AKAP10: variants seen among roughly 807,000 people sequenced by gnomAD.
AKAP10 encodes the protein A-kinase anchor protein 10, mitochondrial.
Under a neutral mutation model 80.8 loss-of-function variants are expected in AKAP10, and 24 were observed. The ratio of observed to expected loss-of-function variants is 0.30; its 90% CI spans 0.22 to 0.42. The LOEUF is 0.42. Ranked by LOEUF, AKAP10 falls within the 10% of genes least tolerant of loss-of-function variation. The pLI is 1.00. For missense variants in AKAP10, 661 were observed against 794.9 expected, an observed-to-expected ratio of 0.83 and a Z score of 2.03; for synonymous variants, 291 against 277.7, an observed-to-expected ratio of 1.05 and a Z score of -0.48.
intron 1 of AKAP10, among the ~76,000 whole-genome samples, chr17:19,976,763 C>T (rs966671965): frequency 6.6e-5 from 10 of 152,100 alleles, no homozygotes; most frequent in African/African-American, 2.2e-4. Context: ...GGTGATCCAC[C>T]CGCCAAGCCT....
chr17:19,961,850 T>C (rs1243490432), intron 3 of AKAP10, among the ~76,000 whole-genome samples: 1 of 152,192 alleles, frequency 6.6e-6, no homozygotes. Flanking sequence ...GTGTGGTGGT[T>C]CACGTTGGTA....
In AKAP10 at chr17:19,916,159, C is replaced by T. The variant is rs142442867; in HGVS notation, c.1834+3877G>A. On this transcript the variant is annotated intron_variant, in intron 12 of 14. Coordinates refer to ENST00000225737, the MANE Select transcript of AKAP10 (RefSeq NM_007202.4). ...GCTTACGCCCCCGCTGCGCTCAGGT[C>T]TACTCAAAATGCCACCTCCTCAGTG... Among the ~76,000 whole-genome samples the T allele has an allele frequency of 3.7e-3, 565 of 152,352 alleles. 2 individuals are homozygous for T. Among genetic ancestry groups the T allele is most frequent in the Non-Finnish European group, 5.6e-3 (379 of 68,034 alleles).
intron 10 of AKAP10, among the ~76,000 whole-genome samples, chr17:19,930,318 G>A (rs2042918818): frequency 1.3e-5 from 2 of 152,238 alleles, no homozygotes; most frequent in South Asian, 4.1e-4. Context: ...AATAAAACCA[G>A]TTAACTTCTT....
chr17:19,923,376 C>A (rs895492168), intron 11 of AKAP10, among the ~76,000 whole-genome samples: 2 of 152,142 alleles, frequency 1.3e-5, no homozygotes, highest in African/African-American at 4.8e-5. Flanking sequence ...CCGTGCCCGG[C>A]CTTGTCCGTT....
At chr17:19,938,141 G>A (rs1275738268) in intron 8 of AKAP10, among the ~76,000 whole-genome samples, 2 of 151,936 alleles carry the variant, frequency 1.3e-5, no homozygotes, top group Non-Finnish European at 2.9e-5. Flanking sequence ...TGGCCAGGCA[G>A]TTCTCAAACT....
chr17:19,975,789 T>C (rs115941211), intron 1 of AKAP10, among the ~76,000 whole-genome samples: 1 of 152,230 alleles, frequency 6.6e-6, no homozygotes, highest in African/African-American at 2.4e-5. Flanking sequence ...CAAAAGGTAT[T>C]TGTTGAATAG....
chr17:19,962,896 G>T lies in AKAP10; in HGVS notation c.263C>A (p.Thr88Lys). 6.2e-7 allele frequency: 1 copy of T among 1,614,126 alleles called. No homozygotes were observed. Among genetic ancestry groups the T allele is most frequent in the Non-Finnish European group, 8.5e-7 (1 of 1,179,998 alleles). The part of the protein sequence containing the change: ...ANMDSFSSSR[T>K]ATLKKQPSHM... ...GCTTGGCTGCTTCTTAAGTGTGGCT[G>T]TCCTGCTACTTGAAAAGGAGTCCAT... The change falls in exon 3 of 15, where the codon ACA (threonine) becomes AAA (lysine). Residue 88 changes from threonine (T) to lysine (K), a missense_variant. Thr to Lys is a moderately conservative substitution (Grantham distance 78). Coordinates refer to ENST00000225737, the MANE Select transcript of AKAP10 (RefSeq NM_007202.4).
intron 2 of AKAP10, among the ~76,000 whole-genome samples, chr17:19,966,293 C>T (rs964017036): frequency 6.6e-6 from 1 of 151,984 alleles, no homozygotes; most frequent in Non-Finnish European, 1.5e-5. Flanking sequence ...AATTTTTTTT[C>T]AAGTCCGTTC....
At chr17:19,953,246 T>G (rs2043235711) in intron 4 of AKAP10, among the ~76,000 whole-genome samples, 1 of 151,922 alleles carries the variant, frequency 6.6e-6, no homozygotes, top group Non-Finnish European at 1.5e-5. Flanking sequence ...TGTGGGGGTG[T>G]AACTAAAGCA....
intron 1 of AKAP10, among the ~76,000 whole-genome samples, chr17:19,968,729 C>G (rs191461002): frequency 2.2e-4 from 34 of 152,276 alleles, no homozygotes; most frequent in Admixed American, 2.2e-3. Flanking sequence ...GGCTCTACCA[C>G]TTATAAGCCA....
rs1261987040 is a variant in AKAP10, at chr17:19,941,009, G to A, written c.1063C>T (p.His355Tyr). 3 of 1,593,606 alleles carry A rather than the reference G, an allele frequency of 1.9e-6. No homozygotes were observed. Among genetic ancestry groups the A allele is most frequent in the Admixed American group, 3.8e-5 (2 of 53,132 alleles). The change falls in exon 7 of 15, where the codon CAC (histidine) becomes TAC (tyrosine). Residue 355 changes from histidine to tyrosine, a missense_variant and splice_region_variant. Coordinates refer to ENST00000225737, the MANE Select transcript of AKAP10 (RefSeq NM_007202.4). The part of the protein sequence containing the change: ...SIVFSAMEQE[H>Y]FSEFLRSHHF... Reference sequence around the variant, plus strand: ...TGACTTCGCAGAAACTCACTAAAGTGCCTGCACATGGACAAAAGGGAAAAT... The same window carrying A: ...TGACTTCGCAGAAACTCACTAAAGTACCTGCACATGGACAAAAGGGAAAAT...
chr17:19,936,129 T>C (rs535200395), intron 9 of AKAP10, 157 bp downstream of exon 9: 2 of 729,318 alleles, frequency 2.7e-6, no homozygotes, highest in Non-Finnish European at 4.3e-6. Context: ...CACGTGACTG[T>C]ACATACCAGG....
intron 2 of AKAP10, among the ~76,000 whole-genome samples, chr17:19,964,958 C>A (rs2043398791): frequency 6.6e-6 from 1 of 152,218 alleles, no homozygotes; most frequent in African/African-American, 2.4e-5. Context: ...ATCTTACTCA[C>A]ACCCTCCACA....
intron 1 of AKAP10, among the ~76,000 whole-genome samples, chr17:19,968,923 G>GTCA (rs904716566): frequency 2.6e-5 from 4 of 152,190 alleles, no homozygotes; most frequent in African/African-American, 4.8e-5. Flanking sequence ...ATTACCATGT[G>GTCA]TCATCCATAG....
intron 14 of AKAP10, among the ~76,000 whole-genome samples, chr17:19,908,125 A>C (rs2042650791): frequency 1.3e-5 from 2 of 152,024 alleles, no homozygotes; most frequent in African/African-American, 4.8e-5. Flanking sequence ...TCGGCCTCCC[A>C]AAGTGCTGGG....
At chr17:19,924,866 C>A (rs1488713461) in intron 10 of AKAP10, among the ~76,000 whole-genome samples, 1 of 152,072 alleles carries the variant, frequency 6.6e-6, no homozygotes, top group Non-Finnish European at 1.5e-5. Flanking sequence ...CAGGTATGAG[C>A]CACCATGCAG....
intron 12 of AKAP10, among the ~76,000 whole-genome samples, chr17:19,917,821 G>A (rs993066345): frequency 6.6e-6 from 1 of 151,712 alleles, no homozygotes; most frequent in African/African-American, 2.4e-5. Context: ...TACTTGGGAG[G>A]CTGAGGCAGA....
intron 4 of AKAP10, among the ~76,000 whole-genome samples, chr17:19,952,876 C>A (rs2043230843): frequency 6.6e-6 from 1 of 152,052 alleles, no homozygotes; most frequent in Non-Finnish European, 1.5e-5. Context: ...TAACTGCATA[C>A]AAAGTATCAG....
chr17:19,921,171 ATTC>A (rs1394985289), intron 11 of AKAP10, among the ~76,000 whole-genome samples: 2 of 151,688 alleles, frequency 1.3e-5, no homozygotes, highest in East Asian at 3.9e-4. Flanking sequence ...AGTCTGAAGT[ATTC>A]TTTTTTTTTT....
Sources: allele counts gnomAD v4.1 joint callset (sites outside exome capture counted in the v4.1 genomes callset), GRCh38; gene constraint gnomAD v4.1.1; transcripts MANE v1.5; gene names NCBI Gene and HGNC (gene_info 2026-07-23, HGNC 2026-07-21).